Variants in NCOA2 observed in about 807,000 individuals in gnomAD.
NCOA2 encodes nuclear receptor coactivator 2, also known as class E basic helix-loop-helix protein 75.
Under a neutral mutation model 145.1 loss-of-function variants are expected in NCOA2, and 21 were observed. The observed-to-expected ratio is 0.14, with a 90% confidence interval of 0.10 to 0.21. The LOEUF is 0.21. NCOA2 is among the 10% of genes least tolerant of loss of function. The probability of loss-of-function intolerance (pLI) is 1.00; values close to 1 mark genes in which losing one functional copy is unlikely to be tolerated. For missense variants in NCOA2, 1,472 were observed against 1,837.6 expected, an observed-to-expected ratio of 0.80 and a Z score of 3.64; for synonymous variants, 619 against 637.5, an observed-to-expected ratio of 0.97 and a Z score of 0.44.
the NCOA2 span, among the ~76,000 whole-genome samples, chr8:70,444,372 G>T: frequency 2.0e-5 from 3 of 152,166 alleles, no homozygotes; most frequent in Non-Finnish European, 4.4e-5. Flanking sequence ...TGTGGCTGTG[G>T]CTATAAAAGG....
chr8:70,364,964 G>A (rs1020904954), intron 1 of NCOA2, among the ~76,000 whole-genome samples: 7 of 151,964 alleles, frequency 4.6e-5, no homozygotes, highest in East Asian at 1.9e-4. Flanking sequence ...TACAATGGCC[G>A]AGTGATGTGG....
the NCOA2 span, among the ~76,000 whole-genome samples, chr8:70,436,460 C>A: frequency 6.6e-6 from 1 of 152,198 alleles, no homozygotes; most frequent in Non-Finnish European, 1.5e-5. Context: ...TCTCGTGCAG[C>A]TGTGAAGTTG....
chr8:70,290,206 A>G (rs1290201042), intron 2 of NCOA2, among the ~76,000 whole-genome samples: 10 of 102,802 alleles, frequency 9.7e-5, no homozygotes, highest in Non-Finnish European at 1.5e-4. Context: ...TTTTTTTTTG[A>G]GATGGAGTCT....
chr8:70,318,467 G>A (rs1448499348), intron 1 of NCOA2, among the ~76,000 whole-genome samples: 1 of 152,052 alleles, frequency 6.6e-6, no homozygotes, highest in East Asian at 1.9e-4. Context: ...CCTGCTCAGT[G>A]CTCTTAAAAA....
intron 2 of NCOA2, among the ~76,000 whole-genome samples, chr8:70,258,484 G>A (rs1161337835): frequency 6.6e-6 from 1 of 152,098 alleles, no homozygotes; most frequent in African/African-American, 2.4e-5. Flanking sequence ...CCCCAGGAGA[G>A]GGGAGATAGG....
At chr8:70,128,537 C>T (rs759560784) in intron 17 of NCOA2, 27 bp from the exon 18 acceptor site, 5 of 1,604,252 alleles carry the variant, frequency 3.1e-6, no homozygotes, top group Non-Finnish European at 4.3e-6. Context: ...AGGATGAATA[C>T]ATTTTAAGAA....
chr8:70,166,096 A>G (rs1205003618), intron 7 of NCOA2, among the ~76,000 whole-genome samples: 1 of 152,178 alleles, frequency 6.6e-6, no homozygotes, highest in Admixed American at 6.5e-5. Flanking sequence ...TGCTGGGATT[A>G]CAGGCGTGAG....
intron 1 of NCOA2, among the ~76,000 whole-genome samples, chr8:70,331,112 G>C (rs1448583312): frequency 6.6e-6 from 1 of 151,842 alleles, no homozygotes; most frequent in Non-Finnish European, 1.5e-5. Flanking sequence ...TAAAAAAAAA[G>C]CAAATTCTAC....
At chr8:70,399,140 G>A (rs1229113607) in intron 1 of NCOA2, among the ~76,000 whole-genome samples, 2 of 152,108 alleles carry the variant, frequency 1.3e-5, no homozygotes. Context: ...TGAATTGAAG[G>A]TCTGCAACAT....
At chr8:70,335,151 AAAGATC>A (rs1807470151) in intron 1 of NCOA2, among the ~76,000 whole-genome samples, 5 of 143,880 alleles carry the variant, frequency 3.5e-5, no homozygotes, top group South Asian at 2.2e-4. Context: ...AAAAAAAAAA[AAAGATC>A]TCTCCCTATG....
At chr8:70,297,978 C>T (rs974731962) in intron 1 of NCOA2, among the ~76,000 whole-genome samples, 10 of 151,918 alleles carry the variant, frequency 6.6e-5, no homozygotes, top group Non-Finnish European at 1.2e-4. Context: ...CTACTAGTAA[C>T]GATACTGAAA....
chr8:70,232,677 C>T (rs1182624599), intron 2 of NCOA2, among the ~76,000 whole-genome samples: 1 of 152,040 alleles, frequency 6.6e-6, no homozygotes, highest in Non-Finnish European at 1.5e-5. Context: ...ATATTTCAAC[C>T]TCTTCCTCTC....
In NCOA2 at chr8:70,212,770, C is replaced by CT. The variant is rs199983713; in HGVS notation, c.259+1132dup. The stretch of plus-strand genomic sequence containing the variant: ...AAGGCAGATTTTAAAAATTTGAACT[C>CT]TAAGAGGATGCATTCAAAAACAGAT... On this transcript the variant is annotated intron_variant, in intron 4 of 22. Transcript: ENST00000452400. Among the ~76,000 whole-genome samples, 568 of 152,110 alleles carry CT rather than the reference C, an allele frequency of 3.7e-3. 8 individuals carry two copies. Among genetic ancestry groups the CT allele is most frequent in the African/African-American group, 0.013 (552 of 41,476 alleles).
intron 4 of NCOA2, among the ~76,000 whole-genome samples, chr8:70,211,015 A>G (rs866739766): frequency 6.6e-6 from 1 of 152,196 alleles, no homozygotes; most frequent in South Asian, 2.1e-4. Context: ...TTGGGGGAAG[A>G]CAGAGTTAGA....
At chr8:70,180,739 A>C (rs1174469605) in intron 4 of NCOA2, among the ~76,000 whole-genome samples, 1 of 152,254 alleles carries the variant, frequency 6.6e-6, no homozygotes, top group Admixed American at 6.5e-5. Flanking sequence ...CTATGTCACC[A>C]GGCTGGAGTG....
rs1488506731 is a variant in NCOA2, at chr8:70,156,804, T to C, written c.1561A>G (p.Ser521Gly). 1.2e-6 allele frequency: 2 copies of C among 1,614,018 alleles called. No homozygotes were observed. Among genetic ancestry groups the C allele is most frequent in the East Asian group, 4.5e-5 (2 of 44,884 alleles). The change falls in exon 11 of 23, where the codon AGC (serine) becomes GGC (glycine). Residue 521 changes from serine (S) to glycine (G), a missense_variant. Transcript: ENST00000452400. The part of the protein sequence containing the change: ...GSLHSPVGVC[S>G]STGNSHSYTN... ...TAACTATGGCTATTTCCTGTGCTGC[T>C]GCAAACTCCCACAGGGGAATGCAAG...
chr8:70,450,901 G>A, the NCOA2 span, among the ~76,000 whole-genome samples: 1 of 149,826 alleles, frequency 6.7e-6, no homozygotes, highest in African/African-American at 2.4e-5. Flanking sequence ...AATTCTCTTA[G>A]TTTCAGTGCT....
chr8:70,163,177 A>T (rs1019588615), intron 8 of NCOA2, among the ~76,000 whole-genome samples: 1 of 152,150 alleles, frequency 6.6e-6, no homozygotes, highest in Non-Finnish European at 1.5e-5. Context: ...AGCCACCCAA[A>T]GTGTTGGGGT....
At chr8:70,451,586 A>C in the NCOA2 span, among the ~76,000 whole-genome samples, 4 of 133,162 alleles carry the variant, frequency 3.0e-5, no homozygotes, top group South Asian at 9.4e-4. Context: ...AAATATTTTA[A>C]ACTATTTTTT....
Sources: allele counts gnomAD v4.1 joint callset (sites outside exome capture counted in the v4.1 genomes callset), GRCh38; gene constraint gnomAD v4.1.1; transcripts MANE v1.5; gene names NCBI Gene and HGNC (gene_info 2026-07-23, HGNC 2026-07-21).